C2: variants seen among roughly 807,000 people sequenced by gnomAD.
C2 encodes complement C2.
A neutral mutation model predicts 85.2 loss-of-function variants in C2; 64 were observed. That is an observed-to-expected ratio of 0.75 (90% CI 0.61 to 0.92). C2 has a LOEUF of 0.92. C2 is among the 40% of genes least tolerant of loss of function. The pLI, the probability that C2 is intolerant of heterozygous loss-of-function variation, is 0.00. For synonymous variants in C2, 311 were observed against 370.8 expected, an observed-to-expected ratio of 0.84 and a Z score of 1.85; for missense variants, 820 against 971.6, an observed-to-expected ratio of 0.84 and a Z score of 2.07.
At position 31,944,447 on chromosome 6, in the gene C2, C is replaced by T. The variant is rs1490841917; in HGVS notation, c.1902+221C>T. ...CCCAGGCTGGAGTGCAGTGGCACGACCTCAGCTCACTGCAACTTCTGCCTC... is the reference window on the plus strand; with the variant it reads ...CCCAGGCTGGAGTGCAGTGGCACGATCTCAGCTCACTGCAACTTCTGCCTC... On this transcript the variant is annotated intron_variant, in intron 15 of 17. Coordinates refer to ENST00000299367, the MANE Select transcript of C2 (RefSeq NM_000063.6). This position sits in a 1 kb window ranked among gnomAD's most constrained non-coding sequence, Gnocchi z 5.1. 1.3e-5 allele frequency among the ~76,000 whole-genome samples: 2 copies of T among 152,096 alleles called. No individual in the cohort carries two copies. The highest frequency in any genetic ancestry group is 2.9e-5 in the Non-Finnish European group (2 of 68,014).
upstream of C2, among the ~76,000 whole-genome samples, chr6:31,926,072 T>A (rs1055466599): frequency 2.6e-5 from 4 of 152,146 alleles, no homozygotes; most frequent in African/African-American, 9.7e-5. Context: ...ATGACATACA[T>A]AAGTTCTACT....
upstream of C2, among the ~76,000 whole-genome samples, chr6:31,916,671 G>A (rs559987069): frequency 1.3e-5 from 2 of 151,812 alleles, no homozygotes; most frequent in Non-Finnish European, 2.9e-5. Flanking sequence ...CCACCTGAAG[G>A]ACAGGAGGCA....
rs1449357803 is a variant in C2 at position 31,944,682 on chromosome 6, G to C, written c.1903-45G>C. On this transcript the variant is annotated intron_variant, in intron 15 of 17. Transcript: ENST00000299367. The surrounding 1 kb of genome is among the most constrained non-coding windows in gnomAD (Gnocchi z 5.1). ...AGGCGTGAGCCACTGCACCCACCCG[G>C]GTCTGCTTATTCTACCCTTCTCTCT... 6.2e-7 allele frequency: 1 copy of C among 1,611,546 alleles called. No homozygotes were observed. The highest frequency in any genetic ancestry group is 1.3e-5 in the African/African-American group (1 of 74,872).
rs1562620395 is a variant in C2, at chr6:31,945,054, C to T, written c.2079+25C>T. ...GGTGAGAAGGTAGAAGCTTGCAGGA[C>T]CCAGGGGTTACAGGATCTCAGCCTT... On this transcript the variant is annotated intron_variant, in intron 17 of 17. Transcript: ENST00000299367. The surrounding 1 kb of genome is among the most constrained non-coding windows in gnomAD (Gnocchi z 5.3). The T allele has an allele frequency of 6.2e-7, 1 of 1,612,756 alleles. No homozygotes were observed. Among genetic ancestry groups the T allele is most frequent in the Non-Finnish European group, 8.5e-7 (1 of 1,179,812 alleles).
chr6:31,926,437 A>C (rs563416632), upstream of C2, among the ~76,000 whole-genome samples: 85 of 144,924 alleles, frequency 5.9e-4, 1 homozygote, highest in Admixed American at 1.9e-3. Context: ...GGTTCAAGTG[A>C]TTCTCCTGCC....
intron 3 of C2, among the ~76,000 whole-genome samples, chr6:31,930,281 A>G (rs952203487): frequency 3.3e-5 from 5 of 151,916 alleles, no homozygotes; most frequent in African/African-American, 1.2e-4. Context: ...GGGTTTCTCC[A>G]TGTTGGCCAG....
At chr6:31,927,100 G>C (rs1013512685), upstream of C2, among the ~76,000 whole-genome samples, 24 of 152,088 alleles carry the variant, frequency 1.6e-4, no homozygotes, top group African/African-American at 5.1e-4. This position sits in a 1 kb window ranked among gnomAD's most constrained non-coding sequence, Gnocchi z 4.7. Flanking sequence ...ACTAAGTGTT[G>C]ATTTCATTTT....
At chr6:31,906,640 A>G (rs945726827) in intron 1 of C2, among the ~76,000 whole-genome samples, 1 of 151,640 alleles carries the variant, frequency 6.6e-6, no homozygotes, top group African/African-American at 2.4e-5. Context: ...CTGCTCTGCT[A>G]CCCTATGTCA....
chr6:31,901,406 T>C, intron 1 of C2: 2 of 1,298,340 alleles, frequency 1.5e-6, no homozygotes, highest in South Asian at 3.0e-5. Flanking sequence ...CCCCCATTCT[T>C]GCCCAGCCCC....
Position 31,935,775 on chromosome 6 carries a change from C to A in C2, c.850-148C>A. On this transcript the variant is annotated intron_variant, in intron 6 of 17. Coordinates refer to ENST00000299367, the MANE Select transcript of C2 (RefSeq NM_000063.6). The surrounding 1 kb of genome is among the most constrained non-coding windows in gnomAD (Gnocchi z 4.3). Reference sequence around the variant, plus strand: ...CGCCCAGCCCCTAGCTTCTTCCTAACAGCCATTTCCTAGTGTCTCCCCTGG... The same window carrying A: ...CGCCCAGCCCCTAGCTTCTTCCTAAAAGCCATTTCCTAGTGTCTCCCCTGG... The A allele has an allele frequency of 1.2e-6, 1 of 868,930 alleles. No individual in the cohort carries two copies. The highest frequency in any genetic ancestry group is 1.9e-6 in the Non-Finnish European group (1 of 526,714). The allele number at this position is 868,930 out of a possible 1,614,324, so 53.8% of individuals were successfully genotyped here.
chr6:31,900,612 C>A, upstream of C2: 1 of 1,612,714 alleles, frequency 6.2e-7, no homozygotes, highest in Non-Finnish European at 8.5e-7. This position sits in a 1 kb window ranked among gnomAD's most constrained non-coding sequence, Gnocchi z 9.7. Flanking sequence ...ATGCCCAGAC[C>A]CCCTCCCAGG....
rs1156804925 is a variant in C2, at chr6:31,936,286, G to A, written c.988+225G>A. The A allele has an allele frequency of 1.0e-5, 6 of 572,314 alleles. No homozygotes were observed. In the East Asian group the frequency reaches 1.2e-4, roughly 12 times the overall value. The allele number at this position is 572,314 out of a possible 1,614,324, so 35.5% of individuals were successfully genotyped here. Reference sequence around the variant, plus strand: ...CTGCAGGTCCAAAGACACTGTGCAGGTCTTCAATTCCTTCCAGTTGCCAAA... The same window carrying A: ...CTGCAGGTCCAAAGACACTGTGCAGATCTTCAATTCCTTCCAGTTGCCAAA... On this transcript the variant is annotated intron_variant, in intron 7 of 17. Coordinates refer to ENST00000299367, the MANE Select transcript of C2 (RefSeq NM_000063.6).
chr6:31,941,920 C>T (rs1770918186), intron 9 of C2, among the ~76,000 whole-genome samples: 1 of 147,494 alleles, frequency 6.8e-6, no homozygotes, highest in African/African-American at 2.5e-5. Flanking sequence ...CCGGTTCAAG[C>T]GATTCTCCTG....
intron 1 of C2, among the ~76,000 whole-genome samples, chr6:31,914,304 C>G (rs1310046524): frequency 6.6e-6 from 1 of 151,470 alleles, no homozygotes; most frequent in Non-Finnish European, 1.5e-5. Context: ...AGAAATCCTG[C>G]CTGAGTGGCC....
In C2 at chr6:31,928,849, G is replaced by T; in HGVS notation, c.374G>T (p.Gly125Val). ...FECEDGFILR[G>V]SPVRQCRPNG... ...TGTGAGGATGGCTTCATATTGCGGGGCTCGCCTGTGCGTCAGTGTCGCCCC... is the reference window on the plus strand; with the variant it reads ...TGTGAGGATGGCTTCATATTGCGGGTCTCGCCTGTGCGTCAGTGTCGCCCC... Residue 125 changes from glycine (G) to valine (V), a missense_variant, in exon 3 of 18, where the codon GGC becomes GTC. Transcript: ENST00000299367. 1 of 1,614,254 alleles carries T rather than the reference G, an allele frequency of 6.2e-7. No homozygotes were observed. Among genetic ancestry groups the T allele is most frequent in the African/African-American group, 1.3e-5 (1 of 75,076 alleles).
At chr6:31,914,006 C>A (rs1768309866) in intron 1 of C2, among the ~76,000 whole-genome samples, 1 of 151,516 alleles carries the variant, frequency 6.6e-6, no homozygotes, top group African/African-American at 2.4e-5. Context: ...AACCTGCGAT[C>A]CGACTCCCTG....
intron 1 of C2, among the ~76,000 whole-genome samples, chr6:31,914,534 T>C (rs938395874): frequency 4.7e-5 from 7 of 148,006 alleles, no homozygotes; most frequent in African/African-American, 1.8e-4. Context: ...GAGGTTGCAG[T>C]GAGCCGAGAT....
rs994157403 is a variant in C2, at chr6:31,903,894, G to A, written c.73+2755G>A. On this transcript the variant is annotated intron_variant, in intron 1 of 3. Transcript: ENST00000452202. Reference sequence around the variant, plus strand: ...TGAATCTAAGAGTCTGTTCTAAACTGCTCTCTTTGTATTTAGGCCTTGTAG... The same window carrying A: ...TGAATCTAAGAGTCTGTTCTAAACTACTCTCTTTGTATTTAGGCCTTGTAG... 3.0e-4 allele frequency among the ~76,000 whole-genome samples: 46 copies of A among 151,872 alleles called. 1 individual carries two copies. Among genetic ancestry groups the A allele is most frequent in the African/African-American group, 1.1e-3 (46 of 41,278 alleles).
chr6:31,908,155 T>G (rs1767853406), intron 1 of C2, among the ~76,000 whole-genome samples: 1 of 150,890 alleles, frequency 6.6e-6, no homozygotes. Context: ...CATTTTTTTT[T>G]TTTTTTTAAT....
Sources: gnomAD v4.1 joint callset for allele counts (sites outside exome capture counted in the v4.1 genomes callset) on GRCh38, gnomAD v4.1.1 for gene constraint, Gnocchi (gnomAD v3.1) non-coding constraint, MANE v1.5 for transcripts, NCBI Gene and HGNC (gene_info 2026-07-23, HGNC 2026-07-21) for gene names.